The following SLC12A4 variants were observed in gnomAD, a reference collection of about 807,000 sequenced individuals.
SLC12A4 encodes the protein solute carrier family 12 member 4.
SLC12A4 carries 84 observed loss-of-function variants against 119.2 expected under a neutral mutation model. That is an observed-to-expected ratio of 0.70 (90% CI 0.59 to 0.85). SLC12A4 has a LOEUF of 0.85. Among genes scored for constraint, SLC12A4 ranks in the 40% least tolerant of loss-of-function variants. The pLI is 0.00. For synonymous variants in SLC12A4, 599 were observed against 604.6 expected (o/e 0.99, Z 0.14); for missense variants, 1,298 against 1,476.3 (o/e 0.88, Z 1.98).
chr16:67,956,195 C>T (rs751150473), intron 5 of SLC12A4, among the ~76,000 whole-genome samples: 1 of 151,932 alleles, frequency 6.6e-6, no homozygotes, highest in Admixed American at 6.6e-5. Context: ...AATAAATAAA[C>T]GAAAAGTCAA....
chr16:67,951,335 T>A lies in SLC12A4; in HGVS notation c.1133-31A>T. The A allele has an allele frequency of 6.3e-7, 1 of 1,598,496 alleles. No individual in the cohort carries two copies. Among genetic ancestry groups the A allele is most frequent in the Non-Finnish European group, 8.5e-7 (1 of 1,170,842 alleles). ...GGGGTAGCTGTGTCACCACCACAGC[T>A]GCCCCCCACTACCCCAGGTAGTTTG... On this transcript the variant is annotated intron_variant, in intron 8 of 23. Coordinates refer to ENST00000316341, the MANE Select transcript of SLC12A4 (RefSeq NM_005072.5). This position sits in a 1 kb window ranked among gnomAD's most constrained non-coding sequence, Gnocchi z 5.2.
intron 6 of SLC12A4, 146 bp from the exon 7 acceptor site, chr16:67,952,571 G>T (rs1267053006): frequency 4.9e-6 from 4 of 815,880 alleles, no homozygotes; most frequent in African/African-American, 3.5e-5. Context: ...AGGCTGAGGT[G>T]GGGGATCACT....
At chr16:67,957,391 G>C (rs745353367) in intron 5 of SLC12A4, 3 of 232,096 alleles carry the variant, frequency 1.3e-5, no homozygotes, top group South Asian at 5.3e-5. Flanking sequence ...GGATGGTCTC[G>C]ATCTCCTGCC....
chr16:67,947,759 C>T lies in SLC12A4; in HGVS notation c.1877G>A (p.Cys626Tyr), dbSNP rs2058369069. ...GGAGGAGACAAACATAAGGGCCAGG[C>T]AGAGACTCATGCCCAGGAAGGACAG... ...WALSFLGMSL[C>Y]LALMFVSSWY... Residue 626 changes from cysteine (C) to tyrosine (Y), a missense_variant, in exon 15 of 24, where the codon TGC becomes TAC. Physicochemically the swap from Cys to Tyr is radical, Grantham distance 194. Coordinates refer to ENST00000316341, the MANE Select transcript of SLC12A4 (RefSeq NM_005072.5). 6.2e-7 allele frequency: 1 copy of T among 1,600,296 alleles called. No individual in the cohort carries two copies. Among genetic ancestry groups the T allele is most frequent in the Non-Finnish European group, 8.5e-7 (1 of 1,173,742 alleles).
At position 67,944,497 on chromosome 16, in the gene SLC12A4, C is replaced by T; in HGVS notation, c.*343G>A. On this transcript the variant is annotated 3_prime_UTR_variant, in exon 24 of 24. Coordinates refer to ENST00000316341, the MANE Select transcript of SLC12A4 (RefSeq NM_005072.5). The surrounding 1 kb of genome is among the most constrained non-coding windows in gnomAD (Gnocchi z 6.6). Reference sequence around the variant, plus strand: ...CCCTTCCCTTCGTCTCTGATGGTGACATCCAAACAATAAATATGCAATAAA... The same window carrying T: ...CCCTTCCCTTCGTCTCTGATGGTGATATCCAAACAATAAATATGCAATAAA... The T allele has an allele frequency of 4.0e-6, 5 of 1,254,404 alleles. No homozygotes were observed. Among genetic ancestry groups the T allele is most frequent in the Non-Finnish European group, 5.0e-6 (5 of 996,666 alleles). 77.7% of individuals were successfully genotyped at this position (1,254,404 alleles called of 1,614,324 possible). A position where few individuals can be genotyped will look rare whatever the true frequency, so the allele number is the denominator to read the frequency against.
intron 1 of SLC12A4, chr16:67,966,944 A>G (rs191096966): frequency 2.8e-6 from 4 of 1,411,942 alleles, no homozygotes; most frequent in Non-Finnish European, 3.7e-6. Context: ...AGGTGGGGCC[A>G]GCAGCTAGGC....
At chr16:67,958,768 A>G (rs2030408932) in intron 3 of SLC12A4, among the ~76,000 whole-genome samples, 1 of 151,982 alleles carries the variant, frequency 6.6e-6, no homozygotes, top group East Asian at 1.9e-4. Context: ...GAACCTGAGA[A>G]TGTGCTGGAC....
At position 67,945,354 on chromosome 16, in the gene SLC12A4, T is replaced by TTTTGC; in HGVS notation, c.3032+10_3032+14dup. 1 of 1,607,426 alleles carries TTTTGC rather than the reference T, an allele frequency of 6.2e-7. No individual in the cohort carries two copies. Among genetic ancestry groups the TTTTGC allele is most frequent in the Non-Finnish European group, 8.5e-7 (1 of 1,175,376 alleles). On this transcript the variant is annotated intron_variant, in intron 22 of 23. Coordinates refer to ENST00000316341, the MANE Select transcript of SLC12A4 (RefSeq NM_005072.5). ...TAGATTCCAGTGCCGCTGGGGCTGT[T>TTTTGC]TTTGCTGCACTCACGGCTTAATGTG...
intron 1 of SLC12A4, chr16:67,966,981 G>T: frequency 1.7e-6 from 2 of 1,164,952 alleles, no homozygotes; most frequent in Non-Finnish European, 2.3e-6. Flanking sequence ...ACTGGTCCAG[G>T]CTGATCCTGG....
chr16:67,948,694 C>T (rs928531866), intron 13 of SLC12A4, among the ~76,000 whole-genome samples: 2 of 152,222 alleles, frequency 1.3e-5, no homozygotes, highest in Admixed American at 1.3e-4. Flanking sequence ...AGGACCCACA[C>T]AGGGCATGCC....
chr16:67,947,725 A>G lies in SLC12A4; in HGVS notation c.1911T>C (p.Tyr637=), dbSNP rs932087905. ...LALMFVSSWY[Y]ALVAMLIAGM... ...CGGCGATGAGCATGGCCACCAGGGC[A>G]TAGTACCAGGAGGAGACAAACATAA... The change falls in exon 15 of 24, where the codon TAT becomes TAC. Residue 637 remains tyrosine, a synonymous_variant. Coordinates refer to ENST00000316341, the MANE Select transcript of SLC12A4 (RefSeq NM_005072.5). The G allele has an allele frequency of 3.1e-6, 5 of 1,600,592 alleles. No homozygotes were observed. The highest frequency in any genetic ancestry group is 2.7e-5 in the African/African-American group (2 of 74,664).
At chr16:67,952,987 A>G (rs2030020120) in intron 6 of SLC12A4, among the ~76,000 whole-genome samples, 1 of 150,212 alleles carries the variant, frequency 6.7e-6, no homozygotes. Context: ...AATCCCAGCT[A>G]CTCGGGAGGC....
chr16:67,968,437 A>G lies in SLC12A4; in HGVS notation c.115+2T>C. 2 of 1,567,898 alleles carry G rather than the reference A, an allele frequency of 1.3e-6. No homozygotes were observed. The highest frequency in any genetic ancestry group is 1.7e-6 in the Non-Finnish European group (2 of 1,163,852). On this transcript the variant is annotated splice_donor_variant, in intron 1 of 23. Transcript: ENST00000316341. LOFTEE classifies it high-confidence loss of function. ...CCACGGCCCCTCAGAACGCGCCCTC[A>G]CCGTCCGAGTCATCCAGCTCGGCGC...
chr16:67,962,254 G>A (rs1033903508), intron 2 of SLC12A4: 2 of 152,492 alleles, frequency 1.3e-5, no homozygotes, highest in African/African-American at 4.8e-5. Context: ...ATCAATCGCG[G>A]AGATGGGATC....
intron 6 of SLC12A4, chr16:67,954,067 G>A (rs778457128): frequency 5.0e-5 from 16 of 317,616 alleles, no homozygotes; most frequent in Non-Finnish European, 1.0e-4. Context: ...CCCCAGGGGC[G>A]GGCACCTGTC....
Position 67,952,216 on chromosome 16 carries a change from G to A in SLC12A4, c.885C>T (p.Gly295=). ...CGGGAGGGTCAAATATAGACTTTAT[G>A]CCCCCAGCATAGATGGAGAGGATGG... ...IISILSIYAG[G]IKSIFDPPVF... The change falls in exon 7 of 24, where the codon GGC becomes GGT. Residue 295 remains glycine (G), a synonymous_variant. Transcript: ENST00000316341. The A allele has an allele frequency of 6.2e-7, 1 of 1,614,088 alleles. No homozygotes were observed. The highest frequency in any genetic ancestry group is 8.5e-7 in the Non-Finnish European group (1 of 1,180,018).
intron 1 of SLC12A4, chr16:67,963,862 G>C: frequency 6.5e-7 from 1 of 1,536,244 alleles, no homozygotes; most frequent in Non-Finnish European, 8.8e-7. Context: ...CAGAGGGGCG[G>C]GGCCAGCGTT....
chr16:67,964,915 C>T (rs2030794177), intron 1 of SLC12A4, among the ~76,000 whole-genome samples: 1 of 152,216 alleles, frequency 6.6e-6, no homozygotes, highest in Non-Finnish European at 1.5e-5. Flanking sequence ...TTCTTTATCC[C>T]CCAAGGAAAC....
At position 67,947,208 on chromosome 16, in the gene SLC12A4, GCATGGCC is replaced by G. The variant is rs373563651; in HGVS notation, c.2073-110_2073-104del. 6.0e-4 allele frequency: 901 copies of G among 1,503,948 alleles called. 7 individuals carry two copies. In the African/African-American group the frequency reaches 0.011, roughly 18 times the overall value. The allele number at this position is 1,503,948 out of a possible 1,614,324, so 93.2% of individuals were successfully genotyped here. On this transcript the variant is annotated intron_variant, in intron 16 of 23. Transcript: ENST00000316341. ...GTCGTGGTCCCTGCAGGTTTGGGTA[GCATGGCC>G]CAGGAGGGTGCCCCGGGCAGCCCCA... is the stretch of plus-strand genomic sequence containing the variant.
Sources: gnomAD v4.1 joint callset for allele counts (sites outside exome capture counted in the v4.1 genomes callset) on GRCh38, gnomAD v4.1.1 for gene constraint, Gnocchi (gnomAD v3.1) non-coding constraint, MANE v1.5 for transcripts, NCBI Gene and HGNC (gene_info 2026-07-23, HGNC 2026-07-21) for gene names.